Variants in NEK11 observed in about 807,000 individuals in gnomAD.
The protein encoded by NEK11 is serine/threonine-protein kinase Nek11.
NEK11 carries 72 observed loss-of-function variants against 80.7 expected under a neutral mutation model. That is an observed-to-expected ratio of 0.89 (90% CI 0.74 to 1.08). The LOEUF (loss-of-function observed/expected upper bound fraction) is 1.08. Ranked by LOEUF, NEK11 falls within the 50% of genes least tolerant of loss-of-function variation. NEK11 has a pLI of 0.00. For synonymous variants in NEK11, 251 were observed against 260.7 expected, an observed-to-expected ratio of 0.96 and a Z score of 0.36; for missense variants, 764 against 763.6, an observed-to-expected ratio of 1.00 and a Z score of -0.01.
intron 7 of NEK11, among the ~76,000 whole-genome samples, chr3:131,139,999 G>A (rs1169399511): frequency 6.6e-6 from 1 of 152,112 alleles, no homozygotes; most frequent in African/African-American, 2.4e-5. Context: ...TGATCCATAG[G>A]GGCATGTGGC....
At chr3:131,230,032 G>A (rs1244790717) in intron 15 of NEK11, among the ~76,000 whole-genome samples, 2 of 152,004 alleles carry the variant, frequency 1.3e-5, no homozygotes, top group Admixed American at 6.6e-5. Context: ...CAACTGTAAC[G>A]GATATTATTG....
Position 131,181,714 on chromosome 3 carries a change from T to C in NEK11, c.1399+10827T>C, listed in dbSNP as rs376262838. Among the ~76,000 whole-genome samples the C allele has an allele frequency of 2.7e-4, 34 of 125,938 alleles. No homozygotes were observed. The East Asian group carries it at 3.3e-3, about 12-fold the overall frequency. The allele number at this position is 125,938 out of a possible 152,430, so 82.6% of individuals were successfully genotyped here. A position where few individuals can be genotyped will look rare whatever the true frequency, so the allele number is the denominator to read the frequency against. ...TGAGCTGAGATCGCACCACTGCACT[T>C]CAGCCTGGGCGACAGAGCGAGACTC... On this transcript the variant is annotated intron_variant, in intron 14 of 17. Coordinates refer to ENST00000383366, the MANE Select transcript of NEK11 (RefSeq NM_024800.5).
At chr3:131,105,536 G>T (rs780265461) in intron 4 of NEK11, among the ~76,000 whole-genome samples, 27 of 152,276 alleles carry the variant, frequency 1.8e-4, no homozygotes, top group South Asian at 2.1e-4. Flanking sequence ...CCACATGGCT[G>T]GGGAAGCCCC....
At chr3:131,036,833 C>T (rs570421107) in intron 3 of NEK11, among the ~76,000 whole-genome samples, 3 of 152,240 alleles carry the variant, frequency 2.0e-5, no homozygotes, top group East Asian at 3.9e-4. Context: ...TTTTGAGGAT[C>T]CTTGTACTAG....
At chr3:131,161,047 G>A (rs1419434803) in intron 10 of NEK11, among the ~76,000 whole-genome samples, 3 of 151,482 alleles carry the variant, frequency 2.0e-5, no homozygotes, top group Non-Finnish European at 4.4e-5. Flanking sequence ...GCTGGGCGTG[G>A]TAGCGTGTGC....
chr3:131,253,410 G>A (rs2095745900), intron 16 of NEK11, among the ~76,000 whole-genome samples: 1 of 151,920 alleles, frequency 6.6e-6, no homozygotes, highest in Non-Finnish European at 1.5e-5. Context: ...AATGAAAAGG[G>A]AACAGAAAAA....
chr3:131,076,485 T>G (rs2074375611), intron 3 of NEK11, among the ~76,000 whole-genome samples: 1 of 152,158 alleles, frequency 6.6e-6, no homozygotes, highest in African/African-American at 2.4e-5. Flanking sequence ...CAGATAAAAA[T>G]AATTCCTGCC....
At chr3:131,137,985 A>G (rs1011979201) in intron 7 of NEK11, among the ~76,000 whole-genome samples, 2 of 152,224 alleles carry the variant, frequency 1.3e-5, no homozygotes, top group African/African-American at 4.8e-5. Flanking sequence ...CTTCTCCTCC[A>G]GCATTTATCC....
At chr3:131,059,239 G>A (rs1368262660) in intron 3 of NEK11, among the ~76,000 whole-genome samples, 2 of 152,094 alleles carry the variant, frequency 1.3e-5, no homozygotes, top group African/African-American at 4.8e-5. Context: ...AATACAGAAA[G>A]AAATTGTATA....
chr3:131,030,936 A>G (rs1293129945), intron 3 of NEK11, among the ~76,000 whole-genome samples: 2 of 152,260 alleles, frequency 1.3e-5, no homozygotes, highest in African/African-American at 4.8e-5. Context: ...AAGCAGAAGG[A>G]AGAATGATCC....
chr3:131,221,567 C>T (rs2095028776), intron 14 of NEK11, among the ~76,000 whole-genome samples: 1 of 152,198 alleles, frequency 6.6e-6, no homozygotes, highest in African/African-American at 2.4e-5. Context: ...GGTGGGCCCA[C>T]AGGCTGAGAT....
intron 3 of NEK11, among the ~76,000 whole-genome samples, chr3:131,061,045 T>C (rs1360069670): frequency 2.6e-5 from 4 of 152,180 alleles, no homozygotes; most frequent in African/African-American, 9.7e-5. Flanking sequence ...CATAAATCAC[T>C]TGTAGCAGAA....
intron 14 of NEK11, among the ~76,000 whole-genome samples, chr3:131,197,641 G>T (rs986654148): frequency 4.6e-5 from 7 of 152,094 alleles, no homozygotes; most frequent in Non-Finnish European, 7.4e-5. Flanking sequence ...GGAAGGTTAG[G>T]TGAAGGGTTT....
chr3:131,063,227 G>GT (rs1160839796), intron 3 of NEK11, among the ~76,000 whole-genome samples: 1 of 152,130 alleles, frequency 6.6e-6, no homozygotes, highest in Non-Finnish European at 1.5e-5. Flanking sequence ...GTCTCACTAT[G>GT]TTGCCCAGGC....
intron 16 of NEK11, among the ~76,000 whole-genome samples, chr3:131,270,663 C>T (rs1172329291): frequency 6.6e-6 from 1 of 152,198 alleles, no homozygotes; most frequent in Non-Finnish European, 1.5e-5. Context: ...GCTCTGAGCA[C>T]CAAGCTTTGC....
At chr3:131,292,844 G>A (rs987192659) in intron 17 of NEK11, among the ~76,000 whole-genome samples, 1 of 151,830 alleles carries the variant, frequency 6.6e-6, no homozygotes, top group Non-Finnish European at 1.5e-5. Context: ...TCATTTTGGG[G>A]GGGTGCTGAT....
At chr3:131,251,035 G>C (rs1265695105) in intron 16 of NEK11, among the ~76,000 whole-genome samples, 1 of 151,876 alleles carries the variant, frequency 6.6e-6, no homozygotes, top group Non-Finnish European at 1.5e-5. Flanking sequence ...ATATTTGTAA[G>C]TGTATGTGTG....
chr3:131,326,408 T>C (rs1461371668), intron 17 of NEK11: 1 of 152,438 alleles, frequency 6.6e-6, no homozygotes, highest in Admixed American at 6.5e-5. Context: ...CTTACCATTC[T>C]TCTCCTCTTA....
intron 16 of NEK11, among the ~76,000 whole-genome samples, chr3:131,267,926 G>T (rs530045186): frequency 2.6e-5 from 4 of 151,990 alleles, no homozygotes; most frequent in Admixed American, 2.6e-4. Flanking sequence ...ACATAGGTTT[G>T]GTTTCTTCAC....
Sources: allele counts gnomAD v4.1 joint callset (sites outside exome capture counted in the v4.1 genomes callset), GRCh38; gene constraint gnomAD v4.1.1; transcripts MANE v1.5; gene names NCBI Gene and HGNC (gene_info 2026-07-23, HGNC 2026-07-21).